Variants in PPM1H observed in about 807,000 individuals in gnomAD.
The protein encoded by PPM1H is protein phosphatase 1H.
PPM1H carries 27 observed loss-of-function variants against 54.9 expected under a neutral mutation model. That is an observed-to-expected ratio of 0.49 (90% CI 0.36 to 0.68). The LOEUF is 0.68. Among genes scored for constraint, PPM1H ranks in the 30% least tolerant of loss-of-function variants. The pLI is 0.00. For synonymous variants in PPM1H, 305 were observed against 270.8 expected (o/e 1.13, Z -1.24); for missense variants, 596 against 667.8 (o/e 0.89, Z 1.19).
At position 62,791,038 on chromosome 12, in the gene PPM1H, T is replaced by C. The variant is rs182769193; in HGVS notation, c.757-2700A>G. On this transcript the variant is annotated intron_variant, in intron 3 of 9. Transcript: ENST00000228705. ...CTAGGTTAGGCCAGGTAAATGGTAG[T>C]TTAATAAATATCTGTTCAATGGACA... Among the ~76,000 whole-genome samples, 8 of 152,260 alleles carry C rather than the reference T, an allele frequency of 5.3e-5. No homozygotes were observed. In the East Asian group the frequency reaches 1.2e-3, roughly 22 times the overall value.
At chr12:62,788,955 T>A (rs918326107) in intron 3 of PPM1H, among the ~76,000 whole-genome samples, 12 of 151,846 alleles carry the variant, frequency 7.9e-5, no homozygotes, top group African/African-American at 2.9e-4. Flanking sequence ...CGAACTCCTG[T>A]GCTGAAGCAA....
intron 9 of PPM1H, among the ~76,000 whole-genome samples, chr12:62,652,507 G>A (rs1454731860): frequency 6.6e-6 from 1 of 152,202 alleles, no homozygotes; most frequent in Admixed American, 6.5e-5. Flanking sequence ...ATATTTTGCA[G>A]TCATATATAC....
rs559512713 is a variant in PPM1H, at chr12:62,715,268, G to A, written c.1073+4903C>T. On this transcript the variant is annotated intron_variant, in intron 6 of 9. Coordinates refer to ENST00000228705, the MANE Select transcript of PPM1H (RefSeq NM_020700.2). ...CTCAACACAAAGGGATGGGGAGGAT[G>A]GGCCCCAGCTTGGGGATTCTGGCAC... 2.0e-5 allele frequency among the ~76,000 whole-genome samples: 3 copies of A among 152,312 alleles called. No homozygotes were observed. The South Asian group carries it at 6.2e-4, about 32-fold the overall frequency.
At chr12:62,879,642 T>C (rs1870318917) in intron 1 of PPM1H, among the ~76,000 whole-genome samples, 1 of 151,968 alleles carries the variant, frequency 6.6e-6, no homozygotes, top group South Asian at 2.1e-4. Flanking sequence ...GGGATAGCGT[T>C]AGGAGAAATA....
At chr12:62,773,786 A>T (rs1382943059) in intron 4 of PPM1H, among the ~76,000 whole-genome samples, 1 of 152,200 alleles carries the variant, frequency 6.6e-6, no homozygotes, top group Non-Finnish European at 1.5e-5. Context: ...AGAGAGGAAC[A>T]TCAGGAGCAG....
intron 2 of PPM1H, among the ~76,000 whole-genome samples, chr12:62,828,758 A>G (rs1868317162): frequency 6.6e-6 from 1 of 152,218 alleles, no homozygotes. Flanking sequence ...AAAAATAACA[A>G]CAGAACAGAC....
chr12:62,652,672 ATAAGT>A (rs1420382677), intron 9 of PPM1H, among the ~76,000 whole-genome samples: 1 of 152,212 alleles, frequency 6.6e-6, no homozygotes, highest in Non-Finnish European at 1.5e-5. Context: ...TTTTTAGTAT[ATAAGT>A]TAATCGTATT....
chr12:62,729,017 C>T (rs1392610772), intron 5 of PPM1H, among the ~76,000 whole-genome samples: 1 of 152,136 alleles, frequency 6.6e-6, no homozygotes, highest in Non-Finnish European at 1.5e-5. Context: ...TGTCCCAGGG[C>T]TTGGGGTATC....
At chr12:62,703,992 G>A (rs1284818864) in intron 6 of PPM1H, among the ~76,000 whole-genome samples, 5 of 151,336 alleles carry the variant, frequency 3.3e-5, no homozygotes, top group African/African-American at 1.2e-4. Flanking sequence ...GTGTGTGTGT[G>A]TGTGTGTGTG....
At chr12:62,675,307 G>A (rs1054213022) in intron 8 of PPM1H, among the ~76,000 whole-genome samples, 1 of 152,154 alleles carries the variant, frequency 6.6e-6, no homozygotes, top group Non-Finnish European at 1.5e-5. Context: ...AGCTGCTATT[G>A]CATAAACATT....
chr12:62,852,823 C>T (rs1180497230), intron 1 of PPM1H, among the ~76,000 whole-genome samples: 1 of 152,202 alleles, frequency 6.6e-6, no homozygotes, highest in Non-Finnish European at 1.5e-5. Context: ...CCCGGCACTG[C>T]ATGAGTGGGA....
At chr12:62,695,029 A>G (rs890499825) in intron 6 of PPM1H, among the ~76,000 whole-genome samples, 4 of 152,204 alleles carry the variant, frequency 2.6e-5, no homozygotes, top group Middle Eastern at 3.2e-3. Context: ...CTACAACAAC[A>G]TCTCCTGAGT....
chr12:62,805,395 A>G (rs1565794089), intron 2 of PPM1H, among the ~76,000 whole-genome samples: 1 of 152,250 alleles, frequency 6.6e-6, no homozygotes, highest in Non-Finnish European at 1.5e-5. Context: ...TCTATAGCCC[A>G]ACGTTCATTG....
chr12:62,697,198 C>G (rs1391100525), intron 6 of PPM1H, among the ~76,000 whole-genome samples: 3 of 151,252 alleles, frequency 2.0e-5, no homozygotes. Flanking sequence ...GCGATCTCGG[C>G]TCACTGCAAC....
At chr12:62,765,330 G>A (rs1345259682) in intron 4 of PPM1H, among the ~76,000 whole-genome samples, 1 of 152,142 alleles carries the variant, frequency 6.6e-6, no homozygotes, top group Admixed American at 6.5e-5. Flanking sequence ...TATGTGCTGG[G>A]CATAAGGAGA....
chr12:62,842,144 G>A (rs1218400159), intron 1 of PPM1H, among the ~76,000 whole-genome samples: 2 of 152,144 alleles, frequency 1.3e-5, no homozygotes, highest in East Asian at 3.9e-4. Flanking sequence ...TTGAAGTGTT[G>A]AAGTTTTGCA....
chr12:62,684,563 T>C (rs1182105848), intron 8 of PPM1H, among the ~76,000 whole-genome samples: 2 of 152,212 alleles, frequency 1.3e-5, no homozygotes, highest in Non-Finnish European at 2.9e-5. Flanking sequence ...GGAACAATGC[T>C]GATTTCCAAG....
At chr12:62,926,128 T>C (rs1217473451) in intron 1 of PPM1H, among the ~76,000 whole-genome samples, 1 of 152,096 alleles carries the variant, frequency 6.6e-6, no homozygotes, top group Admixed American at 6.5e-5. Flanking sequence ...AAATTCAAAA[T>C]TGGAATTGAA....
At position 62,934,507 on chromosome 12, in the gene PPM1H, GC is replaced by G; in HGVS notation, c.229del (p.Ala77ProfsTer27). The G allele has an allele frequency of 6.5e-7, 1 of 1,546,926 alleles. No individual in the cohort carries two copies. ...ILKETRRLPW[A>X]TGYAEVINAG... ...CTGCACTCACTCTGCGTAGCCAGTG[GC>G]CCAGGGCAGCCGCCGAGTCTCCTTG... On this transcript the variant is annotated frameshift_variant, in exon 1 of 10. Coordinates refer to ENST00000228705, the MANE Select transcript of PPM1H (RefSeq NM_020700.2). LOFTEE classifies it high-confidence loss of function. This position sits in a 1 kb window ranked among gnomAD's most constrained non-coding sequence, Gnocchi z 4.2.
Sources: allele counts gnomAD v4.1 joint callset (sites outside exome capture counted in the v4.1 genomes callset), GRCh38; gene constraint gnomAD v4.1.1; non-coding constraint Gnocchi (gnomAD v3.1); transcripts MANE v1.5; gene names NCBI Gene and HGNC (gene_info 2026-07-23, HGNC 2026-07-21).